ALMS1: variants seen among roughly 807,000 people sequenced by gnomAD.
ALMS1 encodes ALMS1 centrosome and basal body associated protein.
ALMS1 carries 271 observed loss-of-function variants against 352.2 expected under a neutral mutation model. That is an observed-to-expected ratio of 0.77 (90% CI 0.70 to 0.85). The LOEUF (loss-of-function observed/expected upper bound fraction) is 0.85. Among genes scored for constraint, ALMS1 ranks in the 40% least tolerant of loss-of-function variants. The probability of loss-of-function intolerance (pLI) is 0.00; values close to 1 mark genes in which losing one functional copy is unlikely to be tolerated. For missense variants in ALMS1, 5,445 were observed against 4,870.7 expected, an observed-to-expected ratio of 1.12 and a Z score of -3.51; for synonymous variants, 1,865 against 1,761.2, an observed-to-expected ratio of 1.06 and a Z score of -1.48.
intron 12 of ALMS1, among the ~76,000 whole-genome samples, chr2:73,538,144 CA>C (rs1674072263): frequency 6.6e-6 from 1 of 152,214 alleles, no homozygotes; most frequent in East Asian, 1.9e-4. Context: ...AAAATATTTG[CA>C]AATCATTTAT....
intron 12 of ALMS1, among the ~76,000 whole-genome samples, chr2:73,541,258 G>C (rs1428780314): frequency 6.6e-6 from 1 of 152,212 alleles, no homozygotes; most frequent in Non-Finnish European, 1.5e-5. Flanking sequence ...TGAACAACCT[G>C]CCCCTGAATG....
intron 9 of ALMS1, among the ~76,000 whole-genome samples, chr2:73,455,722 A>C (rs1050897600): frequency 6.6e-6 from 1 of 152,232 alleles, no homozygotes; most frequent in South Asian, 2.1e-4. Flanking sequence ...ATTTTTCAAA[A>C]GTTAAGATAT....
At chr2:73,403,007 T>C (rs557725334) in intron 1 of ALMS1, among the ~76,000 whole-genome samples, 7 of 152,328 alleles carry the variant, frequency 4.6e-5, no homozygotes, top group African/African-American at 1.7e-4. Flanking sequence ...TTGTTGATTG[T>C]TTACTTAGAT....
intron 9 of ALMS1, among the ~76,000 whole-genome samples, chr2:73,486,926 G>A (rs1362169815): frequency 6.6e-6 from 1 of 152,110 alleles, no homozygotes; most frequent in Non-Finnish European, 1.5e-5. Flanking sequence ...GTAGTGGCAT[G>A]TGCCTGTTGT....
At chr2:73,545,987 A>G (rs1348419786) in intron 12 of ALMS1, among the ~76,000 whole-genome samples, 1 of 152,190 alleles carries the variant, frequency 6.6e-6, no homozygotes, top group African/African-American at 2.4e-5. Context: ...TTGGTACAAT[A>G]TCAGATACTT....
chr2:73,518,843 T>A (rs1243947418), intron 10 of ALMS1, among the ~76,000 whole-genome samples: 1 of 152,240 alleles, frequency 6.6e-6, no homozygotes, highest in Non-Finnish European at 1.5e-5. Flanking sequence ...ATGCATAGTT[T>A]GCAAATATTT....
intron 15 of ALMS1, among the ~76,000 whole-genome samples, chr2:73,571,126 C>T (rs1324986185): frequency 6.6e-6 from 1 of 152,190 alleles, no homozygotes; most frequent in African/African-American, 2.4e-5. Context: ...AGTCTACATA[C>T]TTTAGGTATA....
At position 73,452,332 on chromosome 2, in the gene ALMS1, A is replaced by G. The variant is rs1417324576; in HGVS notation, c.5805A>G (p.Thr1935=). The G allele has an allele frequency of 1.9e-6, 3 of 1,614,072 alleles. No individual in the cohort carries two copies. Among genetic ancestry groups the G allele is most frequent in the African/African-American group, 1.3e-5 (1 of 75,032 alleles). The part of the protein sequence containing the change: ...GQGDRKTEIP[T]VPLSYYSRRE... ...GTGACCGGAAGACTGAGATACCAAC[A>G]GTACCTTTAAGTTACTACTCACGTA... The change falls in exon 8 of 23, where the codon ACA becomes ACG. Residue 1935 remains threonine, a synonymous_variant. Coordinates refer to ENST00000613296, the MANE Select transcript of ALMS1 (RefSeq NM_001378454.1).
At chr2:73,487,119 C>T (rs952403410) in intron 9 of ALMS1, among the ~76,000 whole-genome samples, 1 of 152,156 alleles carries the variant, frequency 6.6e-6, no homozygotes, top group Non-Finnish European at 1.5e-5. Context: ...AGCTGGAAAC[C>T]ACTGTGGCCA....
chr2:73,438,067 G>C (rs1356011230), intron 7 of ALMS1, among the ~76,000 whole-genome samples: 2 of 152,160 alleles, frequency 1.3e-5, no homozygotes, highest in Non-Finnish European at 2.9e-5. Context: ...GTCTTCCCCA[G>C]CTGTGAGTAT....
intron 6 of ALMS1, among the ~76,000 whole-genome samples, chr2:73,428,851 GT>G (rs1335337444): frequency 6.6e-6 from 1 of 152,046 alleles, no homozygotes; most frequent in African/African-American, 2.4e-5. Flanking sequence ...TTACTCCTTG[GT>G]TTTTCCTTAT....
rs183757575 is a variant in ALMS1, at chr2:73,505,950, T to C, written c.9540-13825T>C. On this transcript the variant is annotated intron_variant, in intron 10 of 22. Coordinates refer to ENST00000613296, the MANE Select transcript of ALMS1 (RefSeq NM_001378454.1). ...GTCTTACATTTAAGTCTTTAATCCA[T>C]CTTGAGTTAATTTTTGTATAAGGTG... is the stretch of plus-strand genomic sequence containing the variant. Among the ~76,000 whole-genome samples, 5 of 152,310 alleles carry C rather than the reference T, an allele frequency of 3.3e-5. No individual in the cohort carries two copies. The East Asian group carries it at 7.7e-4, about 23-fold the overall frequency.
chr2:73,529,974 A>G (rs746984453), intron 11 of ALMS1, among the ~76,000 whole-genome samples: 10 of 152,226 alleles, frequency 6.6e-5, no homozygotes, highest in Non-Finnish European at 1.2e-4. Context: ...CCATGATCCA[A>G]TCACCTCCCA....
Position 73,454,367 on chromosome 2 carries a change from GAGAGT to G in ALMS1, c.7540+302_7540+306del, listed in dbSNP as rs1207667377. 3 of 985,168 alleles carry G rather than the reference GAGAGT, an allele frequency of 3.0e-6. No homozygotes were observed. In the African/African-American group the frequency reaches 5.2e-5, roughly 17 times the overall value. 61.0% of individuals were successfully genotyped at this position (985,168 alleles called of 1,614,324 possible). A position where few individuals can be genotyped will look rare whatever the true frequency, so the allele number is the denominator to read the frequency against. ...GAGAAGTAGATTCTGATGTATGACA[GAGAGT>G]AAAGAGGTCGCTTGGGCTCCTGAGC... On this transcript the variant is annotated intron_variant, in intron 8 of 22. Coordinates refer to ENST00000613296, the MANE Select transcript of ALMS1 (RefSeq NM_001378454.1).
rs2103714530 is a variant in ALMS1 at position 73,424,466 on chromosome 2, T to G, written c.801T>G (p.Ser267=). Residue 267 remains serine, a synonymous_variant, in exon 5 of 23, where the codon TCT becomes TCG. Coordinates refer to ENST00000613296, the MANE Select transcript of ALMS1 (RefSeq NM_001378454.1). ...ATAAGTCTGAAGATACTGAATGGTC[T>G]TCTCGACCATCGGAAGTTAGTGAAG... ...IPDKSEDTEW[S]SRPSEVSEAL... 6.2e-7 allele frequency: 1 copy of G among 1,602,334 alleles called. No individual in the cohort carries two copies.
At chr2:73,524,012 A>G (rs916289057) in intron 11 of ALMS1, among the ~76,000 whole-genome samples, 9 of 152,218 alleles carry the variant, frequency 5.9e-5, no homozygotes, top group Non-Finnish European at 8.8e-5. Flanking sequence ...TCATAATCAT[A>G]TGAGCAATAC....
At chr2:73,567,952 T>C (rs577043918) in intron 15 of ALMS1, among the ~76,000 whole-genome samples, 13 of 152,166 alleles carry the variant, frequency 8.5e-5, no homozygotes, top group African/African-American at 3.1e-4. Context: ...AAATGAATAA[T>C]GGGAAAACAA....
At chr2:73,510,147 T>A (rs1673419506) in intron 10 of ALMS1, among the ~76,000 whole-genome samples, 1 of 152,190 alleles carries the variant, frequency 6.6e-6, no homozygotes, top group Non-Finnish European at 1.5e-5. Flanking sequence ...TTAGCTTCCT[T>A]GCATTGGGTT....
intron 2 of ALMS1, among the ~76,000 whole-genome samples, chr2:73,414,410 CAG>C (rs749356194): frequency 1.9e-4 from 28 of 148,600 alleles, no homozygotes; most frequent in Non-Finnish European, 3.9e-4. Flanking sequence ...ACTTTATATG[CAG>C]AGTTATATTA....
Sources: allele counts gnomAD v4.1 joint callset (sites outside exome capture counted in the v4.1 genomes callset), GRCh38; gene constraint gnomAD v4.1.1; transcripts MANE v1.5; gene names NCBI Gene and HGNC (gene_info 2026-07-23, HGNC 2026-07-21).